ZBTB7C: variants seen among roughly 807,000 people sequenced by gnomAD.
ZBTB7C encodes the protein zinc finger and BTB domain-containing protein 7C.
ZBTB7C carries 8 observed loss-of-function variants against 25.7 expected under a neutral mutation model. The observed-to-expected ratio is 0.31, with a 90% CI of 0.18 to 0.56. The LOEUF (loss-of-function observed/expected upper bound fraction) is 0.56. Among genes scored for constraint, ZBTB7C ranks in the 20% least tolerant of loss-of-function variants. The pLI, the probability that ZBTB7C is intolerant of heterozygous loss-of-function variation, is 0.91. For synonymous variants in ZBTB7C, 394 were observed against 369.0 expected (o/e 1.07, Z -0.78); for missense variants, 824 against 855.2 (o/e 0.96, Z 0.46).
chr18:48,214,003 G>A (rs934822624), intron 2 of ZBTB7C, among the ~76,000 whole-genome samples: 34 of 152,230 alleles, frequency 2.2e-4, no homozygotes, highest in Non-Finnish European at 1.6e-4. Flanking sequence ...CTGCCTTGCG[G>A]TGAGAGCGGA....
chr18:48,173,655 C>T (rs1309729929), intron 3 of ZBTB7C, among the ~76,000 whole-genome samples: 1 of 152,242 alleles, frequency 6.6e-6, no homozygotes, highest in Non-Finnish European at 1.5e-5. Context: ...TGTCAGGTGC[C>T]AGGCCTGCAC....
At chr18:48,395,763 T>C (rs1174162539) in intron 1 of ZBTB7C, among the ~76,000 whole-genome samples, 2 of 152,158 alleles carry the variant, frequency 1.3e-5, no homozygotes, top group African/African-American at 2.4e-5. Context: ...GTCTTAGCCA[T>C]TTCTGAATGA....
At chr18:48,141,361 T>C (rs189202446) in intron 3 of ZBTB7C, among the ~76,000 whole-genome samples, 5 of 152,254 alleles carry the variant, frequency 3.3e-5, no homozygotes, top group African/African-American at 1.2e-4. Flanking sequence ...TTTATTTGAC[T>C]GTCCCTCCCA....
intron 1 of ZBTB7C, among the ~76,000 whole-genome samples, chr18:48,341,693 T>C (rs2046605409): frequency 6.6e-6 from 1 of 152,354 alleles, no homozygotes; most frequent in Admixed American, 6.5e-5. Flanking sequence ...AGAGGCCTAC[T>C]ATTCAAAGCC....
Position 48,053,907 on chromosome 18 carries a change from C to T in ZBTB7C, c.-16-12784G>A, listed in dbSNP as rs1208551198. 5.3e-5 allele frequency among the ~76,000 whole-genome samples: 8 copies of T among 152,170 alleles called. No individual in the cohort carries two copies. In the South Asian group the frequency reaches 1.7e-3, roughly 32 times the overall value. Reference sequence around the variant, plus strand: ...GGACTCCTCCAAGGAGGTGAGGCCCCCAAGCAGCCAGGGATGTGGGGCAGG... The same window carrying T: ...GGACTCCTCCAAGGAGGTGAGGCCCTCAAGCAGCCAGGGATGTGGGGCAGG... On this transcript the variant is annotated intron_variant, in intron 3 of 4. Coordinates refer to ENST00000590800, the MANE Select transcript of ZBTB7C (RefSeq NM_001318841.2).
At chr18:48,262,006 C>T (rs527608901) in intron 2 of ZBTB7C, among the ~76,000 whole-genome samples, 1 of 152,066 alleles carries the variant, frequency 6.6e-6, no homozygotes, top group Non-Finnish European at 1.5e-5. Flanking sequence ...GGTCCTCTTC[C>T]CTATCCTCTG....
intron 2 of ZBTB7C, among the ~76,000 whole-genome samples, chr18:48,273,144 T>C (rs991175108): frequency 6.6e-6 from 1 of 152,200 alleles, no homozygotes; most frequent in Non-Finnish European, 1.5e-5. Flanking sequence ...GCGAAATTTA[T>C]GGTATGTAAA....
At chr18:48,355,122 A>T (rs560187468) in intron 1 of ZBTB7C, among the ~76,000 whole-genome samples, 1 of 152,332 alleles carries the variant, frequency 6.6e-6, no homozygotes, top group East Asian at 1.9e-4. Context: ...AGCACAGTGC[A>T]TTCAGGTTAG....
chr18:48,346,622 G>A (rs1222962016), intron 1 of ZBTB7C: 1 of 152,288 alleles, frequency 6.6e-6, no homozygotes, highest in Non-Finnish European at 1.5e-5. Context: ...TGGGTAAGCA[G>A]AGTGTCACTG....
chr18:48,116,763 A>G lies in ZBTB7C; in HGVS notation c.-17+69171T>C, dbSNP rs527505152. Among the ~76,000 whole-genome samples, 21 of 152,226 alleles carry G rather than the reference A, an allele frequency of 1.4e-4. No homozygotes were observed. In the South Asian group the frequency reaches 4.2e-3, roughly 30 times the overall value. On this transcript the variant is annotated intron_variant, in intron 3 of 4. Transcript: ENST00000590800. ...GTTGAAATCCTCCAAGGCCCAGTTC[A>G]GGGCAGACCTCCTCTAGGAGGCCCT...
chr18:48,170,078 C>T (rs2041416036), intron 3 of ZBTB7C, among the ~76,000 whole-genome samples: 1 of 152,204 alleles, frequency 6.6e-6, no homozygotes, highest in Non-Finnish European at 1.5e-5. Flanking sequence ...ACTGCACTCC[C>T]CACAAAGGCC....
chr18:48,340,712 A>C (rs769331231), intron 1 of ZBTB7C, among the ~76,000 whole-genome samples: 2 of 152,186 alleles, frequency 1.3e-5, no homozygotes, highest in Non-Finnish European at 2.9e-5. Flanking sequence ...GTTGAAACAT[A>C]TTCACAGCAG....
upstream of ZBTB7C, among the ~76,000 whole-genome samples, chr18:48,411,820 C>G (rs2048385317): frequency 6.6e-6 from 1 of 152,212 alleles, no homozygotes; most frequent in South Asian, 2.1e-4. Flanking sequence ...CAGAAAGTTT[C>G]TCCTCTCTTC....
intron 2 of ZBTB7C, among the ~76,000 whole-genome samples, chr18:48,329,264 C>A (rs1292378159): frequency 6.6e-6 from 1 of 152,218 alleles, no homozygotes; most frequent in African/African-American, 2.4e-5. Context: ...TTCCATTTGA[C>A]CACCACTTTA....
intron 1 of ZBTB7C, among the ~76,000 whole-genome samples, chr18:48,347,892 G>A (rs529700405): frequency 7.9e-5 from 12 of 152,210 alleles, no homozygotes; most frequent in Non-Finnish European, 1.6e-4. Flanking sequence ...GTGGGAAATG[G>A]TTTGCAAGAC....
At chr18:48,355,822 C>T (rs1398464499) in intron 1 of ZBTB7C, among the ~76,000 whole-genome samples, 1 of 152,250 alleles carries the variant, frequency 6.6e-6, no homozygotes, top group Non-Finnish European at 1.5e-5. Context: ...CCCTGCTTCA[C>T]ATTCTCTTGA....
intron 1 of ZBTB7C, among the ~76,000 whole-genome samples, chr18:48,363,816 C>T (rs1446560850): frequency 1.3e-5 from 2 of 152,094 alleles, no homozygotes; most frequent in Admixed American, 6.5e-5. Context: ...TGCCAGCCTA[C>T]GTGATGTCTT....
chr18:48,261,492 G>T (rs187419804), intron 2 of ZBTB7C, among the ~76,000 whole-genome samples: 1 of 152,332 alleles, frequency 6.6e-6, no homozygotes, highest in Admixed American at 6.5e-5. Context: ...CCGGAACTAT[G>T]TGGGAAAGAC....
At chr18:48,110,404 C>T (rs1373142449) in intron 3 of ZBTB7C, among the ~76,000 whole-genome samples, 1 of 152,178 alleles carries the variant, frequency 6.6e-6, no homozygotes, top group Non-Finnish European at 1.5e-5. Context: ...GCTCTGCATT[C>T]TTAAGAGGCA....
Sources: allele counts gnomAD v4.1 joint callset (sites outside exome capture counted in the v4.1 genomes callset), GRCh38; gene constraint gnomAD v4.1.1; transcripts MANE v1.5; gene names NCBI Gene and HGNC (gene_info 2026-07-23, HGNC 2026-07-21).